MBNL2: variants seen among roughly 807,000 people sequenced by gnomAD.
MBNL2 encodes the protein muscleblind-like protein 2.
MBNL2 carries 17 observed loss-of-function variants against 41.9 expected under a neutral mutation model. That is an observed-to-expected ratio of 0.41 (90% CI 0.28 to 0.61). The LOEUF (loss-of-function observed/expected upper bound fraction) is 0.61. MBNL2 is among the 20% of genes least tolerant of loss of function. The pLI, the probability that MBNL2 is intolerant of heterozygous loss-of-function variation, is 0.35. For missense variants in MBNL2, 336 were observed against 505.6 expected, an observed-to-expected ratio of 0.66 and a Z score of 3.22; for synonymous variants, 195 against 182.9, an observed-to-expected ratio of 1.07 and a Z score of -0.53.
At chr13:97,351,537 A>AGAT (rs1375357847) in intron 5 of MBNL2, among the ~76,000 whole-genome samples, 1 of 152,192 alleles carries the variant, frequency 6.6e-6, no homozygotes, top group African/African-American at 2.4e-5. Context: ...CAGTGATCTT[A>AGAT]GCTAGATCTT....
At chr13:97,246,932 G>T (rs1014487015) in intron 1 of MBNL2, among the ~76,000 whole-genome samples, 1 of 152,194 alleles carries the variant, frequency 6.6e-6, no homozygotes, top group African/African-American at 2.4e-5. Flanking sequence ...CACTTATGGG[G>T]TCACAGTGAG....
At position 97,373,201 on chromosome 13, in the gene MBNL2, A is replaced by G. The variant is rs11843997; in HGVS notation, c.1048+8030A>G. On this transcript the variant is annotated intron_variant, in intron 8 of 8. Transcript: ENST00000679496. Reference sequence around the variant, plus strand: ...GTTCTCCAAAAAAGCAGAGACAGCAACTGTCAGAATCCAGCCCTTGTAAAC... The same window carrying G: ...GTTCTCCAAAAAAGCAGAGACAGCAGCTGTCAGAATCCAGCCCTTGTAAAC... Among the ~76,000 whole-genome samples, 402 of 152,294 alleles carry G rather than the reference A, an allele frequency of 2.6e-3. 1 individual carries two copies. The highest frequency in any genetic ancestry group is 9.2e-3 in the African/African-American group (384 of 41,556).
chr13:97,226,617 T>TG (rs2041643912), intron 1 of MBNL2, among the ~76,000 whole-genome samples: 1 of 152,160 alleles, frequency 6.6e-6, no homozygotes, highest in Non-Finnish European at 1.5e-5. Context: ...TTTTAGTGAT[T>TG]GGGGGAGAAC....
chr13:97,170,571 T>G, the MBNL2 span, among the ~76,000 whole-genome samples: 1 of 152,080 alleles, frequency 6.6e-6, no homozygotes, highest in Non-Finnish European at 1.5e-5. Flanking sequence ...TGCTGCTGAT[T>G]GGTTGGGTTG....
intron 2 of MBNL2, among the ~76,000 whole-genome samples, chr13:97,301,747 A>G (rs1193658711): frequency 6.6e-6 from 1 of 152,196 alleles, no homozygotes; most frequent in East Asian, 1.9e-4. Context: ...ACCAGTTTAG[A>G]TGCGGGGTTT....
intron 1 of MBNL2, among the ~76,000 whole-genome samples, chr13:97,241,222 CT>C (rs1165383325): frequency 6.6e-6 from 1 of 151,978 alleles, no homozygotes; most frequent in Non-Finnish European, 1.5e-5. Context: ...ATCACATGTC[CT>C]TTTTTTTCCC....
At chr13:97,202,371 G>C in the MBNL2 span, among the ~76,000 whole-genome samples, 1 of 152,176 alleles carries the variant, frequency 6.6e-6, no homozygotes, top group African/African-American at 2.4e-5. Context: ...TCTGGTGTCA[G>C]ATGGGCCAGA....
the MBNL2 span, among the ~76,000 whole-genome samples, chr13:97,166,176 G>C: frequency 6.6e-6 from 1 of 152,148 alleles, no homozygotes; most frequent in Non-Finnish European, 1.5e-5. Flanking sequence ...GGGCAGACAT[G>C]GACTTTTTTA....
chr13:97,211,170 C>G, the MBNL2 span, among the ~76,000 whole-genome samples: 4 of 152,190 alleles, frequency 2.6e-5, no homozygotes, highest in Admixed American at 1.3e-4. Flanking sequence ...GCTTCCTCAT[C>G]TTCAAATAAG....
intron 4 of MBNL2, among the ~76,000 whole-genome samples, chr13:97,345,376 C>A (rs2061751921): frequency 6.6e-6 from 1 of 152,148 alleles, no homozygotes; most frequent in South Asian, 2.1e-4. Flanking sequence ...GTTATTTATG[C>A]TATTTTATGT....
At chr13:97,204,901 C>T in the MBNL2 span, among the ~76,000 whole-genome samples, 6 of 151,988 alleles carry the variant, frequency 3.9e-5, no homozygotes, top group African/African-American at 1.5e-4. Context: ...TGGTGAAACC[C>T]CAACTCTACT....
At chr13:97,157,796 C>T in the MBNL2 span, among the ~76,000 whole-genome samples, 1 of 151,474 alleles carries the variant, frequency 6.6e-6, no homozygotes, top group Admixed American at 6.6e-5. Context: ...ATTTGGTTTG[C>T]CAGTATTTGA....
At chr13:97,168,494 T>C in the MBNL2 span, among the ~76,000 whole-genome samples, 1 of 152,312 alleles carries the variant, frequency 6.6e-6, no homozygotes, top group East Asian at 1.9e-4. Context: ...CTTTATTTTT[T>C]CCCCTGGGAC....
chr13:97,177,842 A>T, the MBNL2 span, among the ~76,000 whole-genome samples: 102 of 152,346 alleles, frequency 6.7e-4, no homozygotes, highest in Middle Eastern at 3.4e-3. Context: ...ATTCTCAATT[A>T]CAGTATTGAG....
At chr13:97,152,480 C>T in the MBNL2 span, among the ~76,000 whole-genome samples, 1 of 151,998 alleles carries the variant, frequency 6.6e-6, no homozygotes, top group Non-Finnish European at 1.5e-5. Context: ...AGGCCCAAGC[C>T]CCAAGCACAT....
At chr13:97,195,728 T>C in the MBNL2 span, among the ~76,000 whole-genome samples, 1 of 152,150 alleles carries the variant, frequency 6.6e-6, no homozygotes, top group Admixed American at 6.5e-5. Flanking sequence ...CTTTAAAAGG[T>C]TTTAGGTGCA....
the MBNL2 span, among the ~76,000 whole-genome samples, chr13:97,205,460 T>G: frequency 6.6e-6 from 1 of 152,168 alleles, no homozygotes; most frequent in African/African-American, 2.4e-5. Flanking sequence ...ATAAAGTATA[T>G]GACAGAAGCA....
chr13:97,329,647 AATAC>A (rs1198719257), intron 2 of MBNL2, among the ~76,000 whole-genome samples: 5 of 152,080 alleles, frequency 3.3e-5, no homozygotes, highest in Non-Finnish European at 5.9e-5. Flanking sequence ...ACACACACAC[AATAC>A]ACACACATGC....
At chr13:97,371,018 C>T (rs966004034) in intron 8 of MBNL2, among the ~76,000 whole-genome samples, 4 of 152,044 alleles carry the variant, frequency 2.6e-5, no homozygotes, top group East Asian at 1.9e-4. Flanking sequence ...TTAGAGTGTA[C>T]ATTAGAAGAG....
Sources: allele counts gnomAD v4.1 joint callset (sites outside exome capture counted in the v4.1 genomes callset), GRCh38; gene constraint gnomAD v4.1.1; transcripts MANE v1.5; gene names NCBI Gene and HGNC (gene_info 2026-07-23, HGNC 2026-07-21).